The following TNIP2 variants were observed in gnomAD, a reference collection of about 807,000 sequenced individuals.
TNIP2 encodes the protein TNFAIP3-interacting protein 2.
Under a neutral mutation model 43.7 loss-of-function variants are expected in TNIP2, and 30 were observed. The observed-to-expected ratio is 0.69, with a 90% confidence interval of 0.51 to 0.93. The LOEUF (loss-of-function observed/expected upper bound fraction) is 0.93. Ranked by LOEUF, TNIP2 falls within the 40% of genes least tolerant of loss-of-function variation. The probability of loss-of-function intolerance (pLI) is 0.00; values close to 1 mark genes in which losing one functional copy is unlikely to be tolerated. For missense variants in TNIP2, 599 were observed against 591.0 expected, an observed-to-expected ratio of 1.01 and a Z score of -0.14; for synonymous variants, 260 against 254.6, an observed-to-expected ratio of 1.02 and a Z score of -0.20.
At position 2,746,819 on chromosome 4, in the gene TNIP2, G is replaced by C. The variant is rs116224016; in HGVS notation, c.567+836C>G. Among the ~76,000 whole-genome samples the C allele has an allele frequency of 5.1e-3, 784 of 152,340 alleles. 6 individuals are homozygous for C. The highest frequency in any genetic ancestry group is 0.018 in the African/African-American group (745 of 41,570). ...TCCATTCCCCTGCCTGCCACACACA[G>C]ACCACCACAAGCACCAGCAAGATGG... On this transcript the variant is annotated intron_variant, in intron 2 of 5. Coordinates refer to ENST00000315423, the MANE Select transcript of TNIP2 (RefSeq NM_024309.4).
intron 2 of TNIP2, 79 bp downstream of exon 2, chr4:2,747,576 C>T: frequency 6.7e-7 from 1 of 1,485,070 alleles, no homozygotes; most frequent in Admixed American, 1.9e-5. Context: ...CGCCCCCCCA[C>T]CTCTGTGATC....
At chr4:2,750,662 G>T (rs1248831331) in intron 1 of TNIP2, among the ~76,000 whole-genome samples, 1 of 148,764 alleles carries the variant, frequency 6.7e-6, no homozygotes, top group African/African-American at 2.5e-5. Flanking sequence ...AGGACTTTGA[G>T]CAAAACCTGA....
intron 1 of TNIP2, among the ~76,000 whole-genome samples, chr4:2,753,086 AT>A (rs1311442932): frequency 6.6e-6 from 1 of 152,152 alleles, no homozygotes; most frequent in Non-Finnish European, 1.5e-5. Context: ...AAAAATAAAA[AT>A]AAAAATAAAA....
chr4:2,746,664 G>A (rs1384509925), intron 2 of TNIP2, among the ~76,000 whole-genome samples: 6 of 152,348 alleles, frequency 3.9e-5, no homozygotes, highest in East Asian at 1.9e-4. Flanking sequence ...ACATCCCAGC[G>A]CGTGTGTTTC....
At chr4:2,753,478 C>A (rs758910130) in intron 1 of TNIP2, among the ~76,000 whole-genome samples, 2 of 152,252 alleles carry the variant, frequency 1.3e-5, no homozygotes, top group African/African-American at 4.8e-5. Flanking sequence ...ACAAAACCTA[C>A]ATGCTTACAT....
intron 1 of TNIP2, among the ~76,000 whole-genome samples, chr4:2,748,748 C>G (rs1413789799): frequency 6.6e-6 from 1 of 151,278 alleles, no homozygotes; most frequent in Non-Finnish European, 1.5e-5. Context: ...CCAGCCTTGG[C>G]CTCCCAAAGT....
chr4:2,747,403 C>T (rs1172425104), intron 2 of TNIP2: 11 of 462,644 alleles, frequency 2.4e-5, no homozygotes, highest in Non-Finnish European at 4.3e-5. Context: ...CATCTCCCAC[C>T]TGGGAGCGGG....
chr4:2,751,177 G>A (rs1175235246), intron 1 of TNIP2, among the ~76,000 whole-genome samples: 1 of 152,190 alleles, frequency 6.6e-6, no homozygotes, highest in Non-Finnish European at 1.5e-5. Context: ...TTATCTGTCT[G>A]AGTGCCTTGT....
Position 2,756,245 on chromosome 4 carries a change from G to A in TNIP2, c.45C>T (p.Arg15=), listed in dbSNP as rs1026535341. The change falls in exon 1 of 6, where the codon CGC becomes CGT. Residue 15 remains arginine, a synonymous_variant. Coordinates refer to ENST00000315423, the MANE Select transcript of TNIP2 (RefSeq NM_024309.4). ...PGSGGWEEAP[R]AAAALCTLYH... ...ACAGGGTGCAGAGCGCGGCAGCTGCGCGCGGGGCCTCCTCCCAGCCGCCCG... is the reference window on the plus strand; with the variant it reads ...ACAGGGTGCAGAGCGCGGCAGCTGCACGCGGGGCCTCCTCCCAGCCGCCCG... 1.4e-6 allele frequency: 2 copies of A among 1,448,656 alleles called. No individual in the cohort carries two copies. The highest frequency in any genetic ancestry group is 9.0e-7 in the Non-Finnish European group (1 of 1,105,872). 89.7% of individuals were successfully genotyped at this position (1,448,656 alleles called of 1,614,324 possible).
chr4:2,746,906 C>A (rs1721961357), intron 2 of TNIP2, among the ~76,000 whole-genome samples: 1 of 152,192 alleles, frequency 6.6e-6, no homozygotes, highest in South Asian at 2.1e-4. Context: ...CTAGGAGCCC[C>A]CTGGTTTCTC....
At chr4:2,748,871 G>A (rs952552101) in intron 1 of TNIP2, among the ~76,000 whole-genome samples, 1 of 149,212 alleles carries the variant, frequency 6.7e-6, no homozygotes, top group African/African-American at 2.5e-5. Context: ...ATGGCTCACT[G>A]CAGCCTCGAC....
rs993130089 is a variant in TNIP2 at position 2,755,936 on chromosome 4, C to A, written c.276+78G>T. 2.8e-6 allele frequency: 4 copies of A among 1,429,328 alleles called. No homozygotes were observed. The Admixed American group carries it at 1.1e-4, about 41-fold the overall frequency. 88.5% of individuals were successfully genotyped at this position (1,429,328 alleles called of 1,614,324 possible). ...TCAACCCCTCAGGACCCGGGGCCCG[C>A]TCGCTCACCCACCCAGGACCCGGCG... On this transcript the variant is annotated intron_variant, in intron 1 of 5. Coordinates refer to ENST00000315423, the MANE Select transcript of TNIP2 (RefSeq NM_024309.4).
rs1452825328 is a variant in TNIP2, at chr4:2,744,795, C to T, written c.808G>A (p.Glu270Lys). Residue 270 changes from glutamate (E) to lysine (K), a missense_variant, in exon 4 of 6, where the codon GAG becomes AAG. Glu to Lys is a moderately conservative substitution (Grantham distance 56). Transcript: ENST00000315423. The surrounding 1 kb of genome is among the most constrained non-coding windows in gnomAD (Gnocchi z 5.1). ...EISRLNRQLE[E>K]KINDCAEVKQ... ...ACTTCGGCACAGTCATTTATTTTCT[C>T]TTCCAACTGTCTGTTGAGCCGGGAG... 1 of 1,613,156 alleles carries T rather than the reference C, an allele frequency of 6.2e-7. No individual in the cohort carries two copies. The highest frequency in any genetic ancestry group is 8.5e-7 in the Non-Finnish European group (1 of 1,180,058).
At chr4:2,753,100 AC>A (rs1686478120) in intron 1 of TNIP2, among the ~76,000 whole-genome samples, 1 of 151,990 alleles carries the variant, frequency 6.6e-6, no homozygotes, top group African/African-American at 2.4e-5. Flanking sequence ...AAATAAAAAA[AC>A]AAACAAACAA....
At chr4:2,752,044 G>A (rs1448474829) in intron 1 of TNIP2, among the ~76,000 whole-genome samples, 1 of 150,476 alleles carries the variant, frequency 6.6e-6, no homozygotes, top group Non-Finnish European at 1.5e-5. Context: ...GGTGGAGGTT[G>A]CACTGAGCCA....
chr4:2,753,733 T>G (rs372766945), intron 1 of TNIP2, among the ~76,000 whole-genome samples: 11 of 152,226 alleles, frequency 7.2e-5, no homozygotes, highest in African/African-American at 2.4e-4. Flanking sequence ...GTCCTTGGTC[T>G]GTACTCATCT....
intron 2 of TNIP2, chr4:2,747,322 TCCTC>T: frequency 3.5e-6 from 1 of 282,750 alleles, no homozygotes; most frequent in Non-Finnish European, 6.8e-6. Context: ...TGACTACACT[TCCTC>T]CAGGCAGCTC....
intron 2 of TNIP2, chr4:2,746,236 A>T (rs1427266286): frequency 6.6e-6 from 1 of 152,308 alleles, no homozygotes; most frequent in Non-Finnish European, 1.5e-5. Context: ...TATCTCAGTG[A>T]CATAATTTTT....
Position 2,744,844 on chromosome 4 carries a change from C to G in TNIP2, c.759G>C (p.Glu253Asp). The change falls in exon 4 of 6, where the codon GAG becomes GAC. Residue 253 changes from glutamate (E) to aspartate (D), a missense_variant. Coordinates refer to ENST00000315423, the MANE Select transcript of TNIP2 (RefSeq NM_024309.4). The surrounding 1 kb of genome is among the most constrained non-coding windows in gnomAD (Gnocchi z 5.1). ...AQLRGLQIPH[E>D]PELMRKEISR... Reference sequence around the variant, plus strand: ...AGATCTCCTTCCTCATCAGCTCGGGCTCGTGGGGGATCTGCAGCCCCCTGA... The same window carrying G: ...AGATCTCCTTCCTCATCAGCTCGGGGTCGTGGGGGATCTGCAGCCCCCTGA... The G allele has an allele frequency of 6.2e-7, 1 of 1,614,000 alleles. No individual in the cohort carries two copies.
Sources: allele counts gnomAD v4.1 joint callset (sites outside exome capture counted in the v4.1 genomes callset), GRCh38; gene constraint gnomAD v4.1.1; non-coding constraint Gnocchi (gnomAD v3.1); transcripts MANE v1.5; gene names NCBI Gene and HGNC (gene_info 2026-07-23, HGNC 2026-07-21).